The following PCDH11X variants were observed in gnomAD, a reference collection of about 807,000 sequenced individuals.
PCDH11X encodes protocadherin 11 X-linked.
Under a neutral mutation model 53.3 loss-of-function variants are expected in PCDH11X, and 18 were observed. The observed-to-expected ratio is 0.34, with a 90% CI of 0.23 to 0.50. PCDH11X has a LOEUF of 0.50. PCDH11X is among the 20% of genes least tolerant of loss of function. PCDH11X has a pLI of 0.98. For missense variants in PCDH11X, 570 were observed against 1,032.4 expected, an observed-to-expected ratio of 0.55 and a Z score of 6.14; for synonymous variants, 279 against 393.3, an observed-to-expected ratio of 0.71 and a Z score of 3.44.
In PCDH11X at chrX:91,835,946, A is replaced by G. The variant is rs769245146; in HGVS notation, c.442A>G (p.Ile148Val). ...LFPATVINIS[I>V]PENSAINSKY... ...CCCAGCAACAGTTATCAACATATCA[A>G]TTCCAGAGAACTCGGCTATAAACTC... The change falls in exon 5 of 11, where the codon ATT becomes GTT. Residue 148 changes from isoleucine to valine, a missense_variant. Around this residue, in one of 6 missense-constraint regions of PCDH11X, gnomAD observed 84 missense variants for 142.0 expected, o/e 0.59. Transcript: ENST00000682573. 1.8e-5 allele frequency: 22 copies of G among 1,207,599 alleles called. No homozygotes were observed. Among genetic ancestry groups the G allele is most frequent in the Non-Finnish European group, 2.5e-5 (22 of 894,569 alleles).
intron 8 of PCDH11X, among the ~76,000 whole-genome samples, chrX:92,347,960 A>G (rs966385540): frequency 8.9e-6 from 1 of 111,826 alleles, no homozygotes. Context: ...AAGACATTAT[A>G]CATCAGAGCC....
At chrX:92,296,290 T>C (rs986081968) in intron 8 of PCDH11X, among the ~76,000 whole-genome samples, 2 of 110,711 alleles carry the variant, frequency 1.8e-5, no homozygotes, top group African/African-American at 6.6e-5. Context: ...TGCAGGTTTG[T>C]TATACAGATA....
intron 6 of PCDH11X, among the ~76,000 whole-genome samples, chrX:92,017,718 G>T (rs368243877): frequency 0.015 from 1,335 of 91,340 alleles, 31 homozygotes; most frequent in African/African-American, 0.048. Context: ...TATATATATA[G>T]AGAGAGATAA....
intron 6 of PCDH11X, among the ~76,000 whole-genome samples, chrX:92,198,301 C>T (rs1462262655): frequency 9.9e-6 from 1 of 101,258 alleles, no homozygotes; most frequent in Non-Finnish European, 2.0e-5. Context: ...GTCTCAGCTA[C>T]TCAGGAGGCT....
Position 91,878,899 on chromosome X carries a change from A to G in PCDH11X, c.2659A>G (p.Thr887Ala), listed in dbSNP as rs749112249. The change falls in exon 6 of 11, where the codon ACT becomes GCT. Residue 887 changes from threonine to alanine, a missense_variant. Around this residue, in one of 6 missense-constraint regions of PCDH11X, gnomAD observed 226 missense variants for 457.5 expected, o/e 0.49. Transcript: ENST00000682573. The stretch of plus-strand genomic sequence containing the variant: ...TAAGAACTTGCTGCTTAATTTTGTC[A>G]CTATTGAAGAAACTAAGGCAGATGA... The part of the protein sequence containing the change: ...SPKNLLLNFV[T>A]IEETKADDVD... 1.6e-5 allele frequency: 19 copies of G among 1,211,919 alleles called. No homozygotes were observed. The South Asian group carries it at 3.2e-4, about 20-fold the overall frequency.
intron 9 of PCDH11X, among the ~76,000 whole-genome samples, chrX:92,466,471 T>C (rs1308910520): frequency 1.0e-4 from 11 of 109,313 alleles, no homozygotes; most frequent in Non-Finnish European, 2.1e-4. Flanking sequence ...TAGATATATA[T>C]ATATACTCCC....
intron 6 of PCDH11X, among the ~76,000 whole-genome samples, chrX:92,072,112 TATGTTCC>T (rs993364501): frequency 2.7e-5 from 3 of 110,442 alleles, no homozygotes; most frequent in Non-Finnish European, 5.7e-5. Context: ...GGCCACCGCT[TATGTTCC>T]CTTAAAGCCC....
intron 1 of PCDH11X, among the ~76,000 whole-genome samples, chrX:91,779,902 T>C (rs1489882522): frequency 9.0e-6 from 1 of 111,212 alleles, no homozygotes; most frequent in Non-Finnish European, 1.9e-5. Flanking sequence ...AATATCTTTT[T>C]GCACTACCAC....
intron 6 of PCDH11X, among the ~76,000 whole-genome samples, chrX:91,945,211 T>C (rs1259747869): frequency 4.8e-5 from 5 of 103,757 alleles, no homozygotes; most frequent in Non-Finnish European, 9.9e-5. Context: ...GAAAGCTATA[T>C]AAAATGACTA....
At chrX:92,035,127 G>A (rs185675002) in intron 6 of PCDH11X, among the ~76,000 whole-genome samples, 2 of 111,218 alleles carry the variant, frequency 1.8e-5, no homozygotes, top group East Asian at 5.7e-4. Flanking sequence ...TTATTTTTGA[G>A]TGGTTAATTG....
intron 4 of PCDH11X, among the ~76,000 whole-genome samples, chrX:91,813,172 T>C (rs1936343572): frequency 1.8e-5 from 2 of 110,988 alleles, no homozygotes; most frequent in South Asian, 3.7e-4. Context: ...TTTTAAGGAG[T>C]GGAAGAAAAA....
Position 92,621,216 on chromosome X carries a change from T to G in PCDH11X, c.*2276T>G. The G allele has an allele frequency of 9.8e-6, 1 of 101,742 alleles. No homozygotes were observed. The highest frequency in any genetic ancestry group is 1.1e-4 in the Admixed American group (1 of 9,268). The allele number at this position is 101,742 out of a possible 1,213,427, so 8.4% of individuals were successfully genotyped here. A position where few individuals can be genotyped will look rare whatever the true frequency, so the allele number is the denominator to read the frequency against. ...GGTTGAAAGATTATTAAATAACTTA[T>G]CAGGCATCTCAATGGTTACTATCTA... On this transcript the variant is annotated 3_prime_UTR_variant, in exon 11 of 11. Transcript: ENST00000682573.
intron 10 of PCDH11X, among the ~76,000 whole-genome samples, chrX:92,515,096 C>G (rs761426742): frequency 1.9e-5 from 2 of 102,745 alleles, no homozygotes; most frequent in African/African-American, 3.5e-5. Flanking sequence ...TCCTTCAAAA[C>G]CGACTCTAAC....
At chrX:92,268,535 A>G (rs1368976786) in intron 8 of PCDH11X, among the ~76,000 whole-genome samples, 1 of 111,462 alleles carries the variant, frequency 9.0e-6, no homozygotes, top group Non-Finnish European at 1.9e-5. Flanking sequence ...GAAAAATTAA[A>G]TCACACTAAG....
chrX:91,846,388 C>T (rs188054453), intron 5 of PCDH11X, among the ~76,000 whole-genome samples: 1,172 of 110,525 alleles, frequency 0.011, 9 homozygotes, highest in Middle Eastern at 0.043. Flanking sequence ...GAGGCCGTGG[C>T]GGGCGGATCA....
rs1292606648 is a variant in PCDH11X, at chrX:92,457,843, T to C, written c.3344-10456T>C. 2.8e-5 allele frequency among the ~76,000 whole-genome samples: 3 copies of C among 105,924 alleles called. No individual in the cohort carries two copies. In the Admixed American group the frequency reaches 3.1e-4, roughly 11 times the overall value. The allele number at this position is 105,924 out of a possible 115,157, so 92.0% of individuals were successfully genotyped here. On this transcript the variant is annotated intron_variant, in intron 9 of 10. Coordinates refer to ENST00000682573, the MANE Select transcript of PCDH11X (RefSeq NM_032968.5). The stretch of plus-strand genomic sequence containing the variant: ...TGAACATTATTGAAATAAGTTCAAA[T>C]TTTTCTTTATGGATTTTAAAAAACA...
intron 10 of PCDH11X, among the ~76,000 whole-genome samples, chrX:92,519,418 T>C (rs909216088): frequency 9.2e-6 from 1 of 108,438 alleles, no homozygotes; most frequent in Non-Finnish European, 1.9e-5. Context: ...TTTTTATTTT[T>C]ACTTTATGAT....
At chrX:92,032,709 C>A (rs1228575806) in intron 6 of PCDH11X, among the ~76,000 whole-genome samples, 2 of 108,324 alleles carry the variant, frequency 1.8e-5, no homozygotes, top group East Asian at 5.9e-4. Context: ...TGAATTTTAT[C>A]AAATACTTTT....
intron 5 of PCDH11X, among the ~76,000 whole-genome samples, chrX:91,851,381 A>AC (rs2147660009): frequency 8.9e-6 from 1 of 112,147 alleles, no homozygotes; most frequent in Admixed American, 9.5e-5. Flanking sequence ...AAATAAAAAG[A>AC]GTTGGACATT....
Sources: gnomAD v4.1 joint callset for allele counts (sites outside exome capture counted in the v4.1 genomes callset) on GRCh38, gnomAD v4.1.1 for gene constraint, gnomAD v4.1.1 regional missense constraint, MANE v1.5 for transcripts, NCBI Gene and HGNC (gene_info 2026-07-23, HGNC 2026-07-21) for gene names.